Variants in ABAT observed in about 807,000 individuals in gnomAD.
ABAT encodes 4-aminobutyrate aminotransferase, mitochondrial.
ABAT carries 45 observed loss-of-function variants against 64.6 expected under a neutral mutation model. The ratio of observed to expected loss-of-function variants is 0.70; its 90% confidence interval spans 0.55 to 0.89. ABAT has a LOEUF of 0.89. ABAT is among the 40% of genes least tolerant of loss of function. The pLI is 0.00. For missense variants in ABAT, 633 were observed against 658.4 expected, an observed-to-expected ratio of 0.96 and a Z score of 0.42; for synonymous variants, 297 against 250.5, an observed-to-expected ratio of 1.19 and a Z score of -1.75.
chr16:8,698,728 T>C (rs2057757147), intron 1 of ABAT, among the ~76,000 whole-genome samples: 1 of 152,070 alleles, frequency 6.6e-6, no homozygotes, highest in Non-Finnish European at 1.5e-5. Context: ...GCAGATCACG[T>C]GAGGTCAGGA....
At position 8,776,903 on chromosome 16, in the gene ABAT, G is replaced by C. The variant is rs1408960687; in HGVS notation, c.1269+413G>C. ...TTATTTATTTTATTTTATTTTATTTGTCTATTTATTTTTTGAGACCAAGTC... is the reference window on the plus strand; with the variant it reads ...TTATTTATTTTATTTTATTTTATTTCTCTATTTATTTTTTGAGACCAAGTC... On this transcript the variant is annotated intron_variant, in intron 14 of 15. Coordinates refer to ENST00000268251, the MANE Select transcript of ABAT (RefSeq NM_020686.6). The surrounding 1 kb of genome is among the most constrained non-coding windows in gnomAD (Gnocchi z 4.4). Among the ~76,000 whole-genome samples, 5 of 151,118 alleles carry C rather than the reference G, an allele frequency of 3.3e-5. No individual in the cohort carries two copies. In the East Asian group the frequency reaches 9.8e-4, roughly 30 times the overall value.
intron 1 of ABAT, among the ~76,000 whole-genome samples, chr16:8,726,980 G>T (rs187827405): frequency 6.6e-6 from 1 of 152,260 alleles, no homozygotes; most frequent in East Asian, 1.9e-4. Context: ...CTTGCCATTT[G>T]TATGTCTTCT....
At chr16:8,740,412 T>C (rs2059130687) in intron 2 of ABAT, among the ~76,000 whole-genome samples, 1 of 152,202 alleles carries the variant, frequency 6.6e-6, no homozygotes, top group Non-Finnish European at 1.5e-5. Flanking sequence ...GGTTGGACGA[T>C]CTACTGGCAG....
chr16:8,769,703 A>T (rs1596468243), intron 11 of ABAT, among the ~76,000 whole-genome samples: 1 of 151,692 alleles, frequency 6.6e-6, no homozygotes, highest in African/African-American at 2.4e-5. Flanking sequence ...GGGTCGGGGG[A>T]TGCTATGGGA....
chr16:8,737,984 G>T (rs1277474963), intron 2 of ABAT, among the ~76,000 whole-genome samples: 1 of 75,528 alleles, frequency 1.3e-5, no homozygotes, highest in Non-Finnish European at 2.5e-5. Context: ...AAGGAAGGAA[G>T]GAAGGAGGAA....
intron 1 of ABAT, among the ~76,000 whole-genome samples, chr16:8,702,149 C>G (rs2057837460): frequency 2.0e-5 from 3 of 152,072 alleles, no homozygotes; most frequent in African/African-American, 7.2e-5. Flanking sequence ...AGTATAGCAG[C>G]TTCTGTTTGT....
intron 12 of ABAT, 53 bp downstream of exon 12, chr16:8,772,970 T>C (rs2060157835): frequency 6.2e-7 from 1 of 1,610,694 alleles, no homozygotes; most frequent in East Asian, 2.2e-5. Context: ...CTGGGTTGAG[T>C]TCCCCGAGTA....
At position 8,739,267 on chromosome 16, in the gene ABAT, C is replaced by T. The variant is rs979457829; in HGVS notation, c.70+3458C>T. 1.2e-4 allele frequency among the ~76,000 whole-genome samples: 18 copies of T among 152,218 alleles called. 1 individual carries two copies. Among genetic ancestry groups the T allele is most frequent in the African/African-American group, 3.9e-4 (16 of 41,454 alleles). Reference sequence around the variant, plus strand: ...CTAAGGAGACACCATGGGAAGAGCACTAGGTCAAGATTCATGTGATTGGAT... The same window carrying T: ...CTAAGGAGACACCATGGGAAGAGCATTAGGTCAAGATTCATGTGATTGGAT... On this transcript the variant is annotated intron_variant, in intron 2 of 15. Coordinates refer to ENST00000268251, the MANE Select transcript of ABAT (RefSeq NM_020686.6).
intron 5 of ABAT, among the ~76,000 whole-genome samples, chr16:8,752,060 C>T (rs2059503225): frequency 6.6e-6 from 1 of 152,238 alleles, no homozygotes; most frequent in Non-Finnish European, 1.5e-5. Flanking sequence ...CCCATCAGCA[C>T]CTCCCTTTGG....
chr16:8,718,478 G>A (rs1490352661), intron 1 of ABAT, among the ~76,000 whole-genome samples: 2 of 152,184 alleles, frequency 1.3e-5, no homozygotes, highest in Non-Finnish European at 2.9e-5. Flanking sequence ...TTGCTTTTCA[G>A]TTCAGTTCCT....
intron 1 of ABAT, among the ~76,000 whole-genome samples, chr16:8,726,253 T>A (rs2058549473): frequency 7.3e-6 from 1 of 137,012 alleles, no homozygotes; most frequent in African/African-American, 2.7e-5. Context: ...TTGTTGCAAA[T>A]GACTAGATCT....
At chr16:8,775,140 G>A (rs181808644) in intron 13 of ABAT, 83 bp downstream of exon 13, 140 of 1,588,070 alleles carry the variant, frequency 8.8e-5, no homozygotes, top group Middle Eastern at 3.4e-4. Flanking sequence ...TCTCACCATC[G>A]AGGAGCTGGG....
Position 8,782,008 on chromosome 16 carries a change from G to A in ABAT, c.*578G>A, listed in dbSNP as rs2060450686. On this transcript the variant is annotated 3_prime_UTR_variant, in exon 16 of 16. Transcript: ENST00000268251. Reference sequence around the variant, plus strand: ...AGGAGGATTCAGCTCAGGAGTAAGGGAAGAGGTCCTCTGGCCCCCTGAAGA... The same window carrying A: ...AGGAGGATTCAGCTCAGGAGTAAGGAAAGAGGTCCTCTGGCCCCCTGAAGA... The A allele has an allele frequency of 4.1e-5, 7 of 171,564 alleles. No individual in the cohort carries two copies. The South Asian group carries it at 1.0e-3, about 24-fold the overall frequency. 10.6% of individuals were successfully genotyped at this position (171,564 alleles called of 1,614,324 possible).
At chr16:8,763,822 T>A (rs1234674126) in intron 6 of ABAT, among the ~76,000 whole-genome samples, 1 of 152,198 alleles carries the variant, frequency 6.6e-6, no homozygotes, top group Non-Finnish European at 1.5e-5. Context: ...GGCAGTAGCA[T>A]CCTATATAAC....
At chr16:8,733,573 T>C (rs12445001) in intron 1 of ABAT, among the ~76,000 whole-genome samples, 10 of 151,902 alleles carry the variant, frequency 6.6e-5, no homozygotes, top group South Asian at 4.1e-4. Flanking sequence ...ACTCCGTCTG[T>C]AATCCCGGCA....
intron 1 of ABAT, among the ~76,000 whole-genome samples, chr16:8,693,760 T>A (rs2057638609): frequency 6.6e-6 from 1 of 152,186 alleles, no homozygotes; most frequent in Admixed American, 6.5e-5. Context: ...TAAGCCACCA[T>A]GCCCAGCTTG....
chr16:8,689,563 G>A (rs952464871), intron 1 of ABAT, among the ~76,000 whole-genome samples: 1 of 152,168 alleles, frequency 6.6e-6, no homozygotes, highest in Non-Finnish European at 1.5e-5. Context: ...TCTTATAAGT[G>A]ACAAGACATG....
At chr16:8,756,373 C>G (rs771787330) in intron 5 of ABAT, among the ~76,000 whole-genome samples, 1 of 152,120 alleles carries the variant, frequency 6.6e-6, no homozygotes, top group Non-Finnish European at 1.5e-5. Context: ...TATTAATTAA[C>G]GTCAAACATT....
chr16:8,726,273 T>TTTTTTG lies in ABAT; in HGVS notation c.-41-9425_-41-9420dup, dbSNP rs1288651370. On this transcript the variant is annotated intron_variant, in intron 1 of 15. Coordinates refer to ENST00000268251, the MANE Select transcript of ABAT (RefSeq NM_020686.6). The stretch of plus-strand genomic sequence containing the variant: ...GCAAATGACTAGATCTTTTTTTTTT[T>TTTTTTG]TTTTTGAGATGGAGTCTCGATCTGT... Among the ~76,000 whole-genome samples, 22 of 148,104 alleles carry TTTTTTG rather than the reference T, an allele frequency of 1.5e-4. 2 individuals are homozygous for TTTTTTG. The highest frequency in any genetic ancestry group is 4.5e-5 in the Non-Finnish European group (3 of 66,748).
Sources: gnomAD v4.1 joint callset for allele counts (sites outside exome capture counted in the v4.1 genomes callset) on GRCh38, gnomAD v4.1.1 for gene constraint, Gnocchi (gnomAD v3.1) non-coding constraint, MANE v1.5 for transcripts, NCBI Gene and HGNC (gene_info 2026-07-23, HGNC 2026-07-21) for gene names.